The following HOMER2 variants were observed in gnomAD, a reference collection of about 807,000 sequenced individuals.
HOMER2 encodes homer protein homolog 2.
HOMER2 carries 27 observed loss-of-function variants against 47.0 expected under a neutral mutation model. That is an observed-to-expected ratio of 0.57 (90% CI 0.42 to 0.79). The LOEUF (loss-of-function observed/expected upper bound fraction) is 0.79. HOMER2 is among the 30% of genes least tolerant of loss of function. HOMER2 has a pLI of 0.00. For synonymous variants in HOMER2, 161 were observed against 163.8 expected (o/e 0.98, Z 0.13); for missense variants, 443 against 435.0 (o/e 1.02, Z -0.16).
exon 2 of HOMER2, chr15:82,841,597 T>A (rs979537776): frequency 6.6e-6 from 1 of 152,198 alleles, no homozygotes; most frequent in Non-Finnish European, 1.5e-5. Context: ...TTTAACATTG[T>A]TCTAAAAGTA....
chr15:82,921,415 C>T (rs1364478499), intron 1 of HOMER2, among the ~76,000 whole-genome samples: 1 of 152,146 alleles, frequency 6.6e-6, no homozygotes, highest in Non-Finnish European at 1.5e-5. Context: ...GGTGCTGGAG[C>T]ACGTCACACT....
At chr15:82,948,250 G>A (rs2054424350) in intron 1 of HOMER2, among the ~76,000 whole-genome samples, 2 of 152,170 alleles carry the variant, frequency 1.3e-5, no homozygotes, top group South Asian at 2.1e-4. Context: ...AATTAGCTGG[G>A]CGTGGTGGCG....
chr15:82,893,329 CTTTTTTTTT>C (rs771392216), intron 1 of HOMER2, among the ~76,000 whole-genome samples: 2 of 118,960 alleles, frequency 1.7e-5, no homozygotes, highest in South Asian at 5.3e-4. Context: ...ATAATTTTAT[CTTTTTTTTT>C]TTTTTTTTTT....
At position 82,923,187 on chromosome 15, in the gene HOMER2, G is replaced by C. The variant is rs1459700823; in HGVS notation, c.5+29344C>G. On this transcript the variant is annotated intron_variant, in intron 1 of 8. Coordinates refer to ENST00000450735, the MANE Select transcript of HOMER2 (RefSeq NM_004839.4). The stretch of plus-strand genomic sequence containing the variant: ...ATTTCTGGGGCCCCTGTAGTGCCTT[G>C]ATAAAAGAGGTGCTTGGGCCAGGCG... Among the ~76,000 whole-genome samples, 6 of 152,018 alleles carry C rather than the reference G, an allele frequency of 3.9e-5. No individual in the cohort carries two copies. In the South Asian group the frequency reaches 8.3e-4, roughly 21 times the overall value.
At chr15:82,971,324 T>A (rs2029978577) in intron 1 of HOMER2, among the ~76,000 whole-genome samples, 1 of 152,090 alleles carries the variant, frequency 6.6e-6, no homozygotes, top group Non-Finnish European at 1.5e-5. Flanking sequence ...GGCTCGTTTC[T>A]AACATTGGTG....
At chr15:82,854,557 GGGAGGGA>G in intron 6 of HOMER2, 80 bp downstream of exon 6, 1 of 1,404,620 alleles carries the variant, frequency 7.1e-7, no homozygotes, top group South Asian at 1.4e-5. Flanking sequence ...GGCAAAGTTG[GGGAGGGA>G]GAAAAAGGGT....
At chr15:82,872,840 A>T (rs1253856241) in intron 3 of HOMER2, among the ~76,000 whole-genome samples, 1 of 152,240 alleles carries the variant, frequency 6.6e-6, no homozygotes, top group Non-Finnish European at 1.5e-5. Context: ...GCCTAGCTGC[A>T]TGAGGAGGAA....
intron 1 of HOMER2, among the ~76,000 whole-genome samples, chr15:82,915,698 A>C (rs926212046): frequency 6.6e-6 from 1 of 152,274 alleles, no homozygotes; most frequent in South Asian, 2.1e-4. Flanking sequence ...AAGCCTTAGA[A>C]CTGCATACTC....
At chr15:82,946,683 C>T (rs191179878) in intron 1 of HOMER2, among the ~76,000 whole-genome samples, 1 of 152,280 alleles carries the variant, frequency 6.6e-6, no homozygotes, top group Admixed American at 6.5e-5. Context: ...ATGTAATAAA[C>T]TGTGTATTTT....
At chr15:82,910,048 G>A (rs1272740908) in intron 1 of HOMER2, among the ~76,000 whole-genome samples, 3 of 143,870 alleles carry the variant, frequency 2.1e-5, no homozygotes, top group Admixed American at 7.4e-5. Flanking sequence ...CAGGAGAATC[G>A]CTTGAACCTG....
intron 4 of HOMER2, among the ~76,000 whole-genome samples, chr15:82,861,298 T>C (rs549226310): frequency 1.3e-5 from 2 of 152,316 alleles, no homozygotes; most frequent in South Asian, 4.1e-4. Flanking sequence ...AGTGAAATTT[T>C]AGAAATGCAG....
At chr15:82,981,794 G>C (rs2030403948) in intron 1 of HOMER2, among the ~76,000 whole-genome samples, 2 of 152,222 alleles carry the variant, frequency 1.3e-5, no homozygotes, top group South Asian at 4.1e-4. Flanking sequence ...GAGGTACCTA[G>C]AGTAGTCAAA....
At chr15:82,907,376 A>AGAAGAGAAGAGGAAAGGAAAGAG (rs2053317069) in intron 1 of HOMER2, among the ~76,000 whole-genome samples, 1 of 151,508 alleles carries the variant, frequency 6.6e-6, no homozygotes, top group African/African-American at 2.4e-5. Context: ...AAAAGAGAAG[A>AGAAGAGAAGAGGAAAGGAAAGAG]GAAGAGAAGA....
chr15:82,935,599 T>C (rs752903984), intron 1 of HOMER2, among the ~76,000 whole-genome samples: 1 of 152,188 alleles, frequency 6.6e-6, no homozygotes, highest in Non-Finnish European at 1.5e-5. Flanking sequence ...CTGTTGATAC[T>C]GAATTTGACT....
At chr15:82,966,795 C>T (rs114439465) in intron 1 of HOMER2, among the ~76,000 whole-genome samples, 280 of 152,274 alleles carry the variant, frequency 1.8e-3, no homozygotes, top group Middle Eastern at 0.01. Flanking sequence ...CTTTAGAAAA[C>T]GTGAGTGTGA....
At position 82,952,513 on chromosome 15, in the gene HOMER2, C is replaced by A. The variant is rs574799437; in HGVS notation, c.5+18G>T. ...TCCGGAGGGGCGCGCGGAGAGCGCG[C>A]GGCGCGGGCTCACTCACCCCATCTC... On this transcript the variant is annotated intron_variant, in intron 1 of 8. Coordinates refer to ENST00000450735, the MANE Select transcript of HOMER2 (RefSeq NM_004839.4). 7.6e-6 allele frequency: 9 copies of A among 1,189,204 alleles called. No homozygotes were observed. The highest frequency in any genetic ancestry group is 8.3e-6 in the Non-Finnish European group (8 of 959,808). The allele number at this position is 1,189,204 out of a possible 1,614,324, so 73.7% of individuals were successfully genotyped here. A position where few individuals can be genotyped will look rare whatever the true frequency, so the allele number is the denominator to read the frequency against.
chr15:82,913,089 G>T lies in HOMER2; in HGVS notation c.6-20248C>A, dbSNP rs1232159684. ...TAACTGTAAAGCAAATGGTTTTTAT[G>T]CGGTGCAGCCTTGGAAGTTACAAGC... is the stretch of plus-strand genomic sequence containing the variant. On this transcript the variant is annotated intron_variant, in intron 1 of 8. Coordinates refer to ENST00000450735, the MANE Select transcript of HOMER2 (RefSeq NM_004839.4). This position sits in a 1 kb window ranked among gnomAD's most constrained non-coding sequence, Gnocchi z 4.1. Among the ~76,000 whole-genome samples the T allele has an allele frequency of 6.6e-6, 1 of 152,218 alleles. No homozygotes were observed. The highest frequency in any genetic ancestry group is 1.5e-5 in the Non-Finnish European group (1 of 68,034).
At chr15:82,878,902 T>C (rs1488482787) in intron 2 of HOMER2, among the ~76,000 whole-genome samples, 2 of 152,176 alleles carry the variant, frequency 1.3e-5, no homozygotes, top group East Asian at 3.9e-4. Flanking sequence ...GCTGGGATTA[T>C]AGACAGGAGC....
intron 3 of HOMER2, among the ~76,000 whole-genome samples, chr15:82,872,001 G>A (rs1206372447): frequency 6.6e-6 from 1 of 152,166 alleles, no homozygotes; most frequent in Admixed American, 6.5e-5. Context: ...CCAGCCCTGG[G>A]AGGGAACAGG....
Sources: allele counts gnomAD v4.1 joint callset (sites outside exome capture counted in the v4.1 genomes callset), GRCh38; gene constraint gnomAD v4.1.1; non-coding constraint Gnocchi (gnomAD v3.1); transcripts MANE v1.5; gene names NCBI Gene and HGNC (gene_info 2026-07-23, HGNC 2026-07-21).